The following AIM2 variants were observed in gnomAD, a reference collection of about 807,000 sequenced individuals.
AIM2 encodes the protein interferon-inducible protein AIM2.
AIM2 carries 30 observed loss-of-function variants against 27.7 expected under a neutral mutation model. The ratio of observed to expected loss-of-function variants is 1.08; its 90% CI spans 0.81 to 1.47. AIM2 has a LOEUF of 1.47. AIM2 is among the 40% of genes most tolerant of loss of function. The pLI is 0.00. For synonymous variants in AIM2, 141 were observed against 145.3 expected (o/e 0.97, Z 0.21); for missense variants, 358 against 411.3 (o/e 0.87, Z 1.12).
At chr1:159,057,571 T>G (rs180772897), downstream of AIM2, among the ~76,000 whole-genome samples, 6 of 152,340 alleles carry the variant, frequency 3.9e-5, no homozygotes, top group East Asian at 9.7e-4. Flanking sequence ...AGAACTAGGA[T>G]GCTGACGGAG....
chr1:159,128,553 C>A (rs929916799), intron 1 of AIM2, among the ~76,000 whole-genome samples: 1 of 152,104 alleles, frequency 6.6e-6, no homozygotes, highest in Non-Finnish European at 1.5e-5. Context: ...GTCCTCTATC[C>A]GACTTCTTCA....
At chr1:159,130,800 CCACACACACACACACACACACA>C (rs10557540) in intron 1 of AIM2, among the ~76,000 whole-genome samples, 3 of 145,062 alleles carry the variant, frequency 2.1e-5, no homozygotes, top group Admixed American at 2.1e-4. Context: ...AGCCTGGTCA[CCACACACACACACACACACACA>C]CACACACACA....
chr1:159,094,887 T>C (rs1246216116), intron 1 of AIM2, among the ~76,000 whole-genome samples: 1 of 152,196 alleles, frequency 6.6e-6, no homozygotes, highest in African/African-American at 2.4e-5. Flanking sequence ...GGGCCAATTA[T>C]TCTTAGTCTA....
At chr1:159,099,496 G>C (rs892469605) in intron 1 of AIM2, among the ~76,000 whole-genome samples, 2 of 151,840 alleles carry the variant, frequency 1.3e-5, no homozygotes, top group African/African-American at 4.8e-5. Context: ...GACCTACTTT[G>C]TTTTTTTTCC....
chr1:159,115,770 G>C (rs1210658850), intron 1 of AIM2, among the ~76,000 whole-genome samples: 2 of 152,126 alleles, frequency 1.3e-5, no homozygotes, highest in African/African-American at 4.8e-5. Flanking sequence ...ACACAGGCAT[G>C]GGCAAGGATT....
At chr1:159,074,559 C>T (rs1336679666) in intron 1 of AIM2, among the ~76,000 whole-genome samples, 5 of 151,888 alleles carry the variant, frequency 3.3e-5, no homozygotes, top group South Asian at 2.1e-4. Flanking sequence ...GCCAAAATCA[C>T]GTTGTAGTAA....
chr1:159,073,217 G>C (rs1357234039), intron 2 of AIM2, 21 bp downstream of exon 2: 9 of 1,613,192 alleles, frequency 5.6e-6, no homozygotes, highest in Non-Finnish European at 7.6e-6. Flanking sequence ...GGACGGGGCA[G>C]GTGTGGAACT....
chr1:159,145,056 T>C (rs1404340247), upstream of AIM2, among the ~76,000 whole-genome samples: 3 of 152,162 alleles, frequency 2.0e-5, no homozygotes, highest in African/African-American at 7.2e-5. Context: ...CATCTTCTCA[T>C]GTTCCTACCT....
At chr1:159,142,566 C>T (rs868833959), upstream of AIM2, among the ~76,000 whole-genome samples, 48 of 152,084 alleles carry the variant, frequency 3.2e-4, no homozygotes, top group African/African-American at 1.1e-3. Flanking sequence ...CAGCCTTTTT[C>T]CCCAGGGCTA....
chr1:159,104,308 C>A (rs1269777540), intron 1 of AIM2, among the ~76,000 whole-genome samples: 1 of 152,088 alleles, frequency 6.6e-6, no homozygotes, highest in African/African-American at 2.4e-5. Context: ...CCACACTGCC[C>A]ACAGCAGCAG....
At chr1:159,109,446 TA>T (rs2102026816) in intron 1 of AIM2, among the ~76,000 whole-genome samples, 1 of 152,312 alleles carries the variant, frequency 6.6e-6, no homozygotes, top group East Asian at 1.9e-4. Flanking sequence ...GACCTGAAAC[TA>T]TAAAAATTCT....
intron 1 of AIM2, chr1:159,123,659 T>C (rs1333643114): frequency 6.6e-6 from 1 of 152,244 alleles, no homozygotes; most frequent in African/African-American, 2.4e-5. Flanking sequence ...CATAGAAAGC[T>C]GCCCAGATTT....
chr1:159,086,712 TA>T (rs1412704676), intron 1 of AIM2, among the ~76,000 whole-genome samples: 1 of 152,232 alleles, frequency 6.6e-6, no homozygotes, highest in Non-Finnish European at 1.5e-5. Flanking sequence ...CCGTGCAAGT[TA>T]AAATCCCTGC....
chr1:159,128,585 A>G (rs899547116), intron 1 of AIM2, among the ~76,000 whole-genome samples: 2 of 152,126 alleles, frequency 1.3e-5, no homozygotes, highest in African/African-American at 4.8e-5. Flanking sequence ...TTCCATGGAA[A>G]GCCACTTGCC....
intron 1 of AIM2, among the ~76,000 whole-genome samples, chr1:159,103,449 A>T (rs1163696714): frequency 6.6e-6 from 1 of 151,904 alleles, no homozygotes. Context: ...TGTTCATCTC[A>T]GAAAGACAGT....
At chr1:159,117,301 T>A (rs1171473892) in intron 1 of AIM2, among the ~76,000 whole-genome samples, 1 of 152,058 alleles carries the variant, frequency 6.6e-6, no homozygotes, top group Admixed American at 6.6e-5. Context: ...TTAAAAAAGA[T>A]CAGATTAGGA....
At chr1:159,096,453 C>T (rs1023524077) in intron 1 of AIM2, among the ~76,000 whole-genome samples, 1 of 151,984 alleles carries the variant, frequency 6.6e-6, no homozygotes, top group African/African-American at 2.4e-5. Flanking sequence ...TCATGTATAC[C>T]AGGGGAATAA....
At chr1:159,111,464 C>T (rs1657570147) in intron 1 of AIM2, among the ~76,000 whole-genome samples, 1 of 152,104 alleles carries the variant, frequency 6.6e-6, no homozygotes, top group African/African-American at 2.4e-5. Flanking sequence ...GTGGGTTTCA[C>T]CTCAATTAAA....
chr1:159,128,209 C>T (rs993972599), intron 1 of AIM2, among the ~76,000 whole-genome samples: 1 of 151,716 alleles, frequency 6.6e-6, no homozygotes, highest in African/African-American at 2.4e-5. Flanking sequence ...ATCATAAACC[C>T]ACAATAAAAT....
Sources: gnomAD v4.1 joint callset for allele counts (sites outside exome capture counted in the v4.1 genomes callset) on GRCh38, gnomAD v4.1.1 for gene constraint, MANE v1.5 for transcripts, NCBI Gene and HGNC (gene_info 2026-07-23, HGNC 2026-07-21) for gene names.